Variants in DACH2 observed in about 807,000 individuals in gnomAD.
DACH2 encodes the protein dachshund family transcription factor 2, also known as dachshund homolog 2.
A neutral mutation model predicts 35.8 loss-of-function variants in DACH2; 17 were observed. The ratio of observed to expected loss-of-function variants is 0.48; its 90% CI spans 0.33 to 0.71. DACH2 has a LOEUF of 0.71. Ranked by LOEUF, DACH2 falls within the 30% of genes least tolerant of loss-of-function variation. The pLI, the probability that DACH2 is intolerant of heterozygous loss-of-function variation, is 0.02. For missense variants in DACH2, 469 were observed against 472.7 expected (o/e 0.99, Z 0.07); for synonymous variants, 195 against 177.3 (o/e 1.10, Z -0.79).
chrX:86,579,146 G>T (rs1178277528), intron 3 of DACH2, among the ~76,000 whole-genome samples: 18 of 108,668 alleles, frequency 1.7e-4, no homozygotes, highest in African/African-American at 6.0e-4. Flanking sequence ...AGGCTGGAGT[G>T]CAATGGCACA....
chrX:86,423,120 G>T (rs1316545129), intron 2 of DACH2, among the ~76,000 whole-genome samples: 1 of 111,459 alleles, frequency 9.0e-6, no homozygotes, highest in Non-Finnish European at 1.9e-5. Context: ...AAACAGTGCT[G>T]CAACAAACAC....
At chrX:86,333,833 T>G (rs1381924703) in intron 1 of DACH2, among the ~76,000 whole-genome samples, 3 of 111,329 alleles carry the variant, frequency 2.7e-5, no homozygotes, top group African/African-American at 9.8e-5. Context: ...AGCTATACAC[T>G]TGCCATGGTG....
At chrX:86,252,344 T>A (rs1304008468) in intron 1 of DACH2, among the ~76,000 whole-genome samples, 1 of 111,495 alleles carries the variant, frequency 9.0e-6, no homozygotes, top group Non-Finnish European at 1.9e-5. Context: ...CTCCTTAGTC[T>A]AATTAAGTCC....
chrX:86,747,295 G>A (rs2041723585), intron 7 of DACH2, among the ~76,000 whole-genome samples: 1 of 111,355 alleles, frequency 9.0e-6, no homozygotes, highest in Non-Finnish European at 1.9e-5. Flanking sequence ...GCAGTATTAA[G>A]CAGTATTAAG....
chrX:86,783,056 A>G (rs1242535814), intron 7 of DACH2, among the ~76,000 whole-genome samples: 1 of 111,827 alleles, frequency 8.9e-6, no homozygotes, highest in African/African-American at 3.2e-5. Flanking sequence ...ATAAACTCAA[A>G]CAACTGTATA....
chrX:86,460,423 G>A (rs1261391076), intron 2 of DACH2, among the ~76,000 whole-genome samples: 1 of 110,448 alleles, frequency 9.1e-6, no homozygotes, highest in Admixed American at 9.7e-5. Context: ...TTGTAATAGA[G>A]ATTACCTTTA....
chrX:86,622,786 T>A (rs1466746242), intron 3 of DACH2, among the ~76,000 whole-genome samples: 3 of 111,786 alleles, frequency 2.7e-5, no homozygotes, highest in Admixed American at 9.5e-5. Context: ...CTAGAAAGGA[T>A]CATGCATTTT....
chrX:86,431,716 C>G (rs908601358), intron 2 of DACH2, among the ~76,000 whole-genome samples: 3 of 111,492 alleles, frequency 2.7e-5, no homozygotes, highest in African/African-American at 9.8e-5. Flanking sequence ...TGTACAGTCT[C>G]TTAAAATTTA....
chrX:86,644,687 A>T lies in DACH2; in HGVS notation c.641-6349A>T, dbSNP rs138850715. The stretch of plus-strand genomic sequence containing the variant: ...CTATACTACAAGGCTACAATGACCA[A>T]AACAGTGTGGCACTGGTACAAAAAC... On this transcript the variant is annotated intron_variant, in intron 3 of 11. Coordinates refer to ENST00000373125, the MANE Select transcript of DACH2 (RefSeq NM_053281.3). Among the ~76,000 whole-genome samples the T allele has an allele frequency of 1.5e-3, 172 of 111,885 alleles. 1 individual carries two copies. The highest frequency in any genetic ancestry group is 7.1e-3 in the East Asian group (25 of 3,540).
At chrX:86,521,577 T>C (rs1265445461) in intron 3 of DACH2, among the ~76,000 whole-genome samples, 1 of 112,105 alleles carries the variant, frequency 8.9e-6, no homozygotes, top group Non-Finnish European at 1.9e-5. Context: ...AAGTGAGCCA[T>C]TGAGACAAAA....
intron 6 of DACH2, among the ~76,000 whole-genome samples, chrX:86,725,381 C>T (rs897958498): frequency 1.4e-4 from 16 of 111,443 alleles, no homozygotes; most frequent in African/African-American, 5.2e-4. Context: ...ACTTTGGGTG[C>T]CCATGGTAGT....
At chrX:86,349,051 T>C (rs1285111682) in intron 1 of DACH2, among the ~76,000 whole-genome samples, 2 of 112,726 alleles carry the variant, frequency 1.8e-5, no homozygotes, top group Non-Finnish European at 3.8e-5. Context: ...CTCTGCCTTA[T>C]CACAAGAACA....
In DACH2 at chrX:86,463,547, C is replaced by T. The variant is rs747963447; in HGVS notation, c.528-50732C>T. Among the ~76,000 whole-genome samples, 3 of 110,509 alleles carry T rather than the reference C, an allele frequency of 2.7e-5. No homozygotes were observed. The Admixed American group carries it at 2.9e-4, about 11-fold the overall frequency. ...ACTCAAGATGGGTTAAAGACTTAAA[C>T]GAAAAACCCCAAATCATAAAAACCC... On this transcript the variant is annotated intron_variant, in intron 2 of 11. Transcript: ENST00000373125.
intron 1 of DACH2, among the ~76,000 whole-genome samples, chrX:86,197,489 C>T (rs1413250567): frequency 9.0e-6 from 1 of 110,797 alleles, no homozygotes; most frequent in Non-Finnish European, 1.9e-5. Context: ...AATGAAGATC[C>T]AATGGTATGC....
At chrX:86,566,812 G>A (rs982735636) in intron 3 of DACH2, among the ~76,000 whole-genome samples, 32 of 110,246 alleles carry the variant, frequency 2.9e-4, no homozygotes, top group East Asian at 2.0e-3. Context: ...TTTTATCCTC[G>A]CAAGTATCCT....
At chrX:86,621,963 C>T (rs931208799) in intron 3 of DACH2, among the ~76,000 whole-genome samples, 3 of 111,402 alleles carry the variant, frequency 2.7e-5, no homozygotes, top group African/African-American at 6.5e-5. Flanking sequence ...CTTTCAAGAA[C>T]GTTTCATAGG....
At chrX:86,692,085 T>C (rs764661322) in intron 4 of DACH2, among the ~76,000 whole-genome samples, 104 of 111,667 alleles carry the variant, frequency 9.3e-4, no homozygotes, top group African/African-American at 3.1e-3. Flanking sequence ...AGAGCATTCA[T>C]ACCTCCTAAT....
At chrX:86,477,358 A>ATATT (rs2037861113) in intron 2 of DACH2, among the ~76,000 whole-genome samples, 1 of 99,907 alleles carries the variant, frequency 1.0e-5, no homozygotes, top group Non-Finnish European at 2.0e-5. Flanking sequence ...ATATATATAT[A>ATATT]TATATATATA....
intron 1 of DACH2, chrX:86,305,125 G>T: frequency 7.1e-6 from 1 of 140,172 alleles, no homozygotes; most frequent in South Asian, 2.5e-4. Flanking sequence ...AGTGCTTTCT[G>T]ACAGAGTCAC....
Sources: gnomAD v4.1 joint callset for allele counts (sites outside exome capture counted in the v4.1 genomes callset) on GRCh38, gnomAD v4.1.1 for gene constraint, MANE v1.5 for transcripts, NCBI Gene and HGNC (gene_info 2026-07-23, HGNC 2026-07-21) for gene names.